ANKRD33B: variants seen among roughly 807,000 people sequenced by gnomAD.
ANKRD33B encodes ankyrin repeat domain-containing protein 33B.
Under a neutral mutation model 21.5 loss-of-function variants are expected in ANKRD33B, and 6 were observed. The observed-to-expected ratio is 0.28, with a 90% CI of 0.15 to 0.55. The LOEUF (loss-of-function observed/expected upper bound fraction) is 0.55, where lower values mean the gene tolerates loss of function less well. Ranked by LOEUF, ANKRD33B falls within the 20% of genes least tolerant of loss-of-function variation. ANKRD33B has a pLI of 0.94. For missense variants in ANKRD33B, 698 were observed against 747.2 expected (o/e 0.93, Z 0.77); for synonymous variants, 347 against 342.4 (o/e 1.01, Z -0.15).
chr5:10,648,180 T>C (rs1172807591), intron 3 of ANKRD33B, among the ~76,000 whole-genome samples: 1 of 152,084 alleles, frequency 6.6e-6, no homozygotes, highest in Non-Finnish European at 1.5e-5. Flanking sequence ...CAAACAAAAA[T>C]GAATTTTTCT....
In ANKRD33B at chr5:10,619,581, C is replaced by T. The variant is rs191814503; in HGVS notation, c.496+1119C>T. On this transcript the variant is annotated intron_variant, in intron 2 of 3. Coordinates refer to ENST00000296657, the MANE Select transcript of ANKRD33B (RefSeq NM_001164440.2). The surrounding 1 kb of genome is among the most constrained non-coding windows in gnomAD (Gnocchi z 4.5). ...TGGGCACCCTACTTTTCAATCAAGA[C>T]GAATAGAGTGGGGGAACTCTTCAAA... Among the ~76,000 whole-genome samples, 1 of 152,214 alleles carries T rather than the reference C, an allele frequency of 6.6e-6. No individual in the cohort carries two copies. Among genetic ancestry groups the T allele is most frequent in the Non-Finnish European group, 1.5e-5 (1 of 68,022 alleles).
At chr5:10,624,819 G>T in intron 2 of ANKRD33B, 1 of 456,742 alleles carries the variant, frequency 2.2e-6, no homozygotes, top group South Asian at 1.5e-5. Flanking sequence ...GCTCATGTGA[G>T]CATTAACACA....
At chr5:10,624,680 C>T (rs530969380) in intron 2 of ANKRD33B, 16 of 450,674 alleles carry the variant, frequency 3.6e-5, no homozygotes, top group African/African-American at 2.8e-4. Context: ...TTAATTGCCT[C>T]AATGTGCCGA....
At chr5:10,627,408 T>A (rs1336543504) in intron 2 of ANKRD33B, 1 of 152,254 alleles carries the variant, frequency 6.6e-6, no homozygotes, top group African/African-American at 2.4e-5. Context: ...GAACCTCTGA[T>A]GTGTGCTTGC....
rs974055666 is a variant in ANKRD33B, at chr5:10,576,013, A to C, written c.366+11180A>C. ...CACACACACACGATTGTGTGCATAC[A>C]GGTGCAATCTGAATAAGCTGCATGG... On this transcript the variant is annotated intron_variant, in intron 1 of 3. Transcript: ENST00000296657. The surrounding 1 kb of genome is among the most constrained non-coding windows in gnomAD (Gnocchi z 4.1). Among the ~76,000 whole-genome samples the C allele has an allele frequency of 6.6e-6, 1 of 152,146 alleles. No individual in the cohort carries two copies. The highest frequency in any genetic ancestry group is 2.4e-5 in the African/African-American group (1 of 41,420).
Position 10,649,680 on chromosome 5 carries a change from C to G in ANKRD33B, c.1052C>G (p.Ala351Gly). The change falls in exon 4 of 4, where the codon GCA (alanine) becomes GGA (glycine). Residue 351 changes from alanine (A) to glycine (G), a missense_variant. This residue lies in a region of ANKRD33B where 543 missense variants were observed against 566.5 expected (regional missense o/e 0.96). Coordinates refer to ENST00000296657, the MANE Select transcript of ANKRD33B (RefSeq NM_001164440.2). The part of the protein sequence containing the change: ...AVQEILAARA[A>G]RGPQAQEEDE... ...CAGGAGATCCTGGCGGCGCGGGCTG[C>G]ACGGGGCCCCCAGGCGCAGGAGGAG... The G allele has an allele frequency of 6.6e-7, 1 of 1,525,538 alleles. No homozygotes were observed. Among genetic ancestry groups the G allele is most frequent in the Non-Finnish European group, 8.8e-7 (1 of 1,141,650 alleles). 94.5% of individuals were successfully genotyped at this position (1,525,538 alleles called of 1,614,324 possible).
At chr5:10,626,444 A>G (rs1011567204) in intron 2 of ANKRD33B, among the ~76,000 whole-genome samples, 44 of 152,180 alleles carry the variant, frequency 2.9e-4, no homozygotes, top group Admixed American at 2.7e-3. Flanking sequence ...CCCTACTCAA[A>G]TGAACCAAAA....
At chr5:10,575,865 G>A (rs533380173) in intron 1 of ANKRD33B, among the ~76,000 whole-genome samples, 114 of 152,116 alleles carry the variant, frequency 7.5e-4, no homozygotes, top group Non-Finnish European at 1.3e-3. Context: ...GGGGAGAAGT[G>A]TTACCATAAA....
At chr5:10,581,631 C>CA (rs1309966645) in intron 1 of ANKRD33B, among the ~76,000 whole-genome samples, 6 of 152,232 alleles carry the variant, frequency 3.9e-5, no homozygotes, top group Non-Finnish European at 5.9e-5. Flanking sequence ...GGTATTCAGT[C>CA]AAACACTGGT....
chr5:10,647,211 TCTC>T (rs1737208531), intron 3 of ANKRD33B, among the ~76,000 whole-genome samples: 1 of 152,064 alleles, frequency 6.6e-6, no homozygotes, highest in East Asian at 1.9e-4. Flanking sequence ...TTGAAGCGAT[TCTC>T]CTGCCTCAGC....
At chr5:10,629,560 A>C (rs1045274007) in intron 2 of ANKRD33B, among the ~76,000 whole-genome samples, 1 of 152,224 alleles carries the variant, frequency 6.6e-6, no homozygotes, top group African/African-American at 2.4e-5. Context: ...TAGGATACCC[A>C]TGATGAAATA....
At chr5:10,573,912 G>A (rs1735259243) in intron 1 of ANKRD33B, among the ~76,000 whole-genome samples, 1 of 152,148 alleles carries the variant, frequency 6.6e-6, no homozygotes, top group South Asian at 2.1e-4. Context: ...AAGGACTCCT[G>A]ACACCCTACT....
At chr5:10,644,384 C>T (rs1737142197) in intron 3 of ANKRD33B, among the ~76,000 whole-genome samples, 1 of 152,280 alleles carries the variant, frequency 6.6e-6, no homozygotes, top group African/African-American at 2.4e-5. Flanking sequence ...CTCTGAGAAG[C>T]GTATCGAGGA....
rs1443302137 is a variant in ANKRD33B at position 10,649,576 on chromosome 5, C to T, written c.948C>T (p.Tyr316=). The T allele has an allele frequency of 1.3e-6, 2 of 1,527,292 alleles. No individual in the cohort carries two copies. The highest frequency in any genetic ancestry group is 8.8e-7 in the Non-Finnish European group (1 of 1,141,800). The allele number at this position is 1,527,292 out of a possible 1,614,324, so 94.6% of individuals were successfully genotyped here. A position where few individuals can be genotyped will look rare whatever the true frequency, so the allele number is the denominator to read the frequency against. The change falls in exon 4 of 4, where the codon TAC becomes TAT. Residue 316 remains tyrosine (Y), a synonymous_variant. Coordinates refer to ENST00000296657, the MANE Select transcript of ANKRD33B (RefSeq NM_001164440.2). The part of the protein sequence containing the change: ...DHMVRMTTSL[Y]SPAVAIVCQT... ...TGGTCCGGATGACCACGAGCCTCTA[C>T]AGCCCCGCCGTGGCCATCGTGTGCC...
intron 2 of ANKRD33B, among the ~76,000 whole-genome samples, chr5:10,622,808 A>T (rs900533): frequency 0.27 from 24,035 of 88,012 alleles, 2,627 homozygotes; most frequent in African/African-American, 0.29. Flanking sequence ...ATTTTATTTT[A>T]TTTTTTTTTT....
At chr5:10,575,195 T>TGGGCGAGGC (rs1162002670) in intron 1 of ANKRD33B, among the ~76,000 whole-genome samples, 3 of 147,448 alleles carry the variant, frequency 2.0e-5, no homozygotes, top group Non-Finnish European at 4.5e-5. Context: ...GAGGCCGAGG[T>TGGGCGAGGC]GGGCGGATCA....
intron 1 of ANKRD33B, among the ~76,000 whole-genome samples, chr5:10,604,968 A>T (rs1736012567): frequency 6.6e-6 from 1 of 152,158 alleles, no homozygotes; most frequent in South Asian, 2.1e-4. Flanking sequence ...GGCAGTTCTG[A>T]CTGAGGGTTT....
At chr5:10,587,077 C>T (rs752542807) in intron 1 of ANKRD33B, among the ~76,000 whole-genome samples, 20 of 151,986 alleles carry the variant, frequency 1.3e-4, no homozygotes, top group Admixed American at 1.2e-3. Context: ...TGCAGTTGTG[C>T]GATCTTGGCT....
At chr5:10,623,859 C>T (rs964680655) in intron 2 of ANKRD33B, among the ~76,000 whole-genome samples, 35 of 152,286 alleles carry the variant, frequency 2.3e-4, no homozygotes, top group African/African-American at 7.9e-4. Flanking sequence ...CTGCTTCCTC[C>T]ACTTGGCCTG....
Sources: allele counts gnomAD v4.1 joint callset (sites outside exome capture counted in the v4.1 genomes callset), GRCh38; gene constraint gnomAD v4.1.1; regional missense constraint gnomAD v4.1.1; non-coding constraint Gnocchi (gnomAD v3.1); transcripts MANE v1.5; gene names NCBI Gene and HGNC (gene_info 2026-07-23, HGNC 2026-07-21).